The following PKP1 variants were observed in gnomAD, a reference collection of about 807,000 sequenced individuals.
PKP1 encodes the protein plakophilin-1.
PKP1 carries 27 observed loss-of-function variants against 76.4 expected under a neutral mutation model. The observed-to-expected ratio is 0.35, with a 90% CI of 0.26 to 0.49. The LOEUF (loss-of-function observed/expected upper bound fraction) is 0.49. PKP1 is among the 20% of genes least tolerant of loss of function. PKP1 has a pLI of 0.99. For synonymous variants in PKP1, 404 were observed against 384.2 expected (o/e 1.05, Z -0.60); for missense variants, 964 against 955.2 (o/e 1.01, Z -0.12).
chr1:201,283,784 G>T lies in PKP1; in HGVS notation c.82G>T (p.Asp28Tyr). ...CAACTCCACGTTGGCTTTGCCGTCG[G>T]ACCAAAAGATGAAAACAGGCACGTC... is the stretch of plus-strand genomic sequence containing the variant. ...QDNSTLALPS[D>Y]QKMKTGTSGR... The change falls in exon 1 of 14, where the codon GAC becomes TAC. Residue 28 changes from aspartate (D) to tyrosine (Y), a missense_variant. Asp to Tyr is a radical substitution (Grantham distance 160). Coordinates refer to ENST00000367324, the MANE Select transcript of PKP1 (RefSeq NM_001005337.3). 1 of 1,614,194 alleles carries T rather than the reference G, an allele frequency of 6.2e-7. No homozygotes were observed. The highest frequency in any genetic ancestry group is 1.3e-5 in the African/African-American group (1 of 75,066).
rs770387949 is a variant in PKP1, at chr1:201,316,626, G to A, written c.775G>A (p.Glu259Lys). The A allele has an allele frequency of 2.5e-6, 4 of 1,613,540 alleles. No individual in the cohort carries two copies. In the East Asian group the frequency reaches 8.9e-5, roughly 36 times the overall value. The stretch of plus-strand genomic sequence containing the variant: ...TGTGCAGTACCTGAGCTCCCAGGAT[G>A]AGAAGTACCAGGCCATTGGGGCCTA... ...KAVQYLSSQD[E>K]KYQAIGAYYI... Residue 259 changes from glutamate to lysine, a missense_variant, in exon 4 of 14, where the codon GAG becomes AAG. Coordinates refer to ENST00000367324, the MANE Select transcript of PKP1 (RefSeq NM_001005337.3).
intron 2 of PKP1, among the ~76,000 whole-genome samples, chr1:201,305,591 C>T (rs894450156): frequency 3.9e-5 from 6 of 152,204 alleles, no homozygotes; most frequent in Non-Finnish European, 7.3e-5. Context: ...CTTTTCTGGG[C>T]CAGGTAAGCA....
chr1:201,318,887 G>T lies in PKP1; in HGVS notation c.1232+92G>T, dbSNP rs1030931966. On this transcript the variant is annotated intron_variant, in intron 6 of 13. Transcript: ENST00000367324. ...TCAGCCAACATTCAGCCGGTGCATAGAACATAACAGACAACCCGGCACTCC... is the reference window on the plus strand; with the variant it reads ...TCAGCCAACATTCAGCCGGTGCATATAACATAACAGACAACCCGGCACTCC... 3.2e-5 allele frequency: 34 copies of T among 1,050,742 alleles called. No homozygotes were observed. The African/African-American group carries it at 5.0e-4, about 16-fold the overall frequency. The allele number at this position is 1,050,742 out of a possible 1,614,324, so 65.1% of individuals were successfully genotyped here. A position where few individuals can be genotyped will look rare whatever the true frequency, so the allele number is the denominator to read the frequency against.
chr1:201,320,348 G>T lies in PKP1; in HGVS notation c.1314G>T (p.Gln438His). Residue 438 changes from glutamine (Q) to histidine (H), a missense_variant, in exon 7 of 14, where the codon CAG (glutamine) becomes CAT (histidine). Transcript: ENST00000367324. ...TTGATTCCCTCATGGCCTATGTCCA[G>T]AACTGTGTAGCGGCCAGCCGCTGTG... ...GLIDSLMAYVQNCVAASRCDD... is the reference protein window; with the variant it reads ...GLIDSLMAYVHNCVAASRCDD... The T allele has an allele frequency of 6.2e-7, 1 of 1,613,886 alleles. No homozygotes were observed. The highest frequency in any genetic ancestry group is 8.5e-7 in the Non-Finnish European group (1 of 1,179,786).
chr1:201,322,071 C>G lies in PKP1; in HGVS notation c.1441C>G (p.Arg481Gly). The change falls in exon 8 of 14, where the codon CGC becomes GGC. Residue 481 changes from arginine (R) to glycine (G), a missense_variant. Coordinates refer to ENST00000367324, the MANE Select transcript of PKP1 (RefSeq NM_001005337.3). Reference sequence around the variant, plus strand: ...CTACCGCCAGCTGGAGTATAACGCCCGCAACGCCTACACCGAGAAGTCCTC... The same window carrying G: ...CTACCGCCAGCTGGAGTATAACGCCGGCAACGCCTACACCGAGAAGTCCTC... ...TRYRQLEYNA[R>G]NAYTEKSSTG... 1 of 1,613,496 alleles carries G rather than the reference C, an allele frequency of 6.2e-7. No homozygotes were observed. Among genetic ancestry groups the G allele is most frequent in the Non-Finnish European group, 8.5e-7 (1 of 1,179,982 alleles).
chr1:201,287,420 T>A (rs544417856), intron 1 of PKP1, among the ~76,000 whole-genome samples: 2 of 152,322 alleles, frequency 1.3e-5, no homozygotes, highest in East Asian at 3.9e-4. Flanking sequence ...TCTGCCCGAG[T>A]GTTCTGCTCA....
chr1:201,290,237 G>T (rs965940820), intron 1 of PKP1, among the ~76,000 whole-genome samples: 49 of 152,124 alleles, frequency 3.2e-4, no homozygotes, highest in African/African-American at 1.2e-3. Context: ...AGAGCAGGTT[G>T]TGTTGCTTGT....
intron 1 of PKP1, among the ~76,000 whole-genome samples, chr1:201,284,545 C>T (rs957581933): frequency 2.0e-5 from 3 of 152,150 alleles, no homozygotes; most frequent in African/African-American, 2.4e-5. Context: ...GGAGCAGGGA[C>T]GAGGGCCTGG....
chr1:201,287,063 G>A (rs1274771526), intron 1 of PKP1, among the ~76,000 whole-genome samples: 1 of 152,158 alleles, frequency 6.6e-6, no homozygotes, highest in Non-Finnish European at 1.5e-5. Context: ...AACAACACCA[G>A]CACCATTGCC....
rs745327579 is a variant in PKP1 at position 201,318,813 on chromosome 1, A to G, written c.1232+18A>G. 11 of 1,576,904 alleles carry G rather than the reference A, an allele frequency of 7.0e-6. No individual in the cohort carries two copies. The highest frequency in any genetic ancestry group is 9.5e-6 in the Non-Finnish European group (11 of 1,160,622). Reference sequence around the variant, plus strand: ...TGCTTGAGGTGAGAGAAGAGGATACATGGGGTCTTTTTGTCCCAGCCTTGG... The same window carrying G: ...TGCTTGAGGTGAGAGAAGAGGATACGTGGGGTCTTTTTGTCCCAGCCTTGG... On this transcript the variant is annotated intron_variant, in intron 6 of 13. Transcript: ENST00000367324.
At chr1:201,287,241 G>C (rs1458373978) in intron 1 of PKP1, among the ~76,000 whole-genome samples, 1 of 152,186 alleles carries the variant, frequency 6.6e-6, no homozygotes, top group South Asian at 2.1e-4. Flanking sequence ...TGAGCCAGGG[G>C]AGGTGCCTGC....
At position 201,327,377 on chromosome 1, in the gene PKP1, C is replaced by T. The variant is rs571954162; in HGVS notation, c.2107-1385C>T. ...GACAATAGGGAGACTCATGAACGCA[C>T]GGTGTCCAAAGATGATTGGGGAAAT... On this transcript the variant is annotated intron_variant, in intron 12 of 13. Transcript: ENST00000367324. Among the ~76,000 whole-genome samples, 11 of 152,266 alleles carry T rather than the reference C, an allele frequency of 7.2e-5. No individual in the cohort carries two copies. In the East Asian group the frequency reaches 1.4e-3, roughly 19 times the overall value.
At chr1:201,313,651 A>G in intron 3 of PKP1, 91 bp downstream of exon 3, 1 of 1,340,762 alleles carries the variant, frequency 7.5e-7, no homozygotes, top group African/African-American at 1.4e-5. Context: ...GGCTCCTGGG[A>G]TGACAGGAGA....
intron 4 of PKP1, among the ~76,000 whole-genome samples, chr1:201,317,224 T>C (rs985236054): frequency 8.5e-5 from 13 of 152,312 alleles, no homozygotes; most frequent in African/African-American, 1.9e-4. Context: ...GTCTGTGTTC[T>C]GCTTTAGGGT....
At chr1:201,316,109 T>TGGACGGACGGACGGACGGAC (rs1333033613) in intron 3 of PKP1, 1 of 114,314 alleles carries the variant, frequency 8.7e-6, no homozygotes, top group Non-Finnish European at 1.8e-5. Context: ...GATGGACAGA[T>TGGACGGACGGACGGACGGAC]GGATGGACGG....
intron 2 of PKP1, among the ~76,000 whole-genome samples, chr1:201,312,934 T>TA (rs1235057330): frequency 6.6e-6 from 1 of 152,202 alleles, no homozygotes; most frequent in East Asian, 1.9e-4. Context: ...TCCATCTTTT[T>TA]AAAAATGATG....
At chr1:201,314,849 T>C (rs1656677434) in intron 3 of PKP1, among the ~76,000 whole-genome samples, 1 of 152,244 alleles carries the variant, frequency 6.6e-6, no homozygotes, top group South Asian at 2.1e-4. Context: ...AATTAACTCC[T>C]TTTCTGAGAG....
In PKP1 at chr1:201,330,142, A is replaced by G. The variant is rs1322075085; in HGVS notation, c.*101A>G. The G allele has an allele frequency of 2.0e-5, 3 of 151,870 alleles. No individual in the cohort carries two copies. Among genetic ancestry groups the G allele is most frequent in the African/African-American group, 7.3e-5 (3 of 41,368 alleles). The allele number at this position is 151,870 out of a possible 1,614,324, so 9.4% of individuals were successfully genotyped here. On this transcript the variant is annotated 3_prime_UTR_variant, in exon 14 of 14. Coordinates refer to ENST00000367324, the MANE Select transcript of PKP1 (RefSeq NM_001005337.3). ...GGGTTTTCTGTCCATCCTATGCAGT[A>G]TTTGGGAAAGTTCACAAGAAACTGA...
chr1:201,311,265 G>T (rs868730593), intron 2 of PKP1, among the ~76,000 whole-genome samples: 4 of 152,178 alleles, frequency 2.6e-5, no homozygotes, highest in Non-Finnish European at 4.4e-5. Context: ...TGCAGGACAC[G>T]CATTCCATAC....
Sources: allele counts gnomAD v4.1 joint callset (sites outside exome capture counted in the v4.1 genomes callset), GRCh38; gene constraint gnomAD v4.1.1; transcripts MANE v1.5; gene names NCBI Gene and HGNC (gene_info 2026-07-23, HGNC 2026-07-21).